The following AP1M1 variants were observed in gnomAD, a reference collection of about 807,000 sequenced individuals.
AP1M1 encodes AP-1 complex subunit mu-1.
Under a neutral mutation model 57.1 loss-of-function variants are expected in AP1M1, and 18 were observed. The observed-to-expected ratio is 0.32, with a 90% CI of 0.22 to 0.47. The LOEUF (loss-of-function observed/expected upper bound fraction) is 0.47. Among genes scored for constraint, AP1M1 ranks in the 20% least tolerant of loss-of-function variants. The pLI is 1.00. For synonymous variants in AP1M1, 241 were observed against 237.9 expected (o/e 1.01, Z -0.12); for missense variants, 362 against 593.5 (o/e 0.61, Z 4.05).
rs187415445 is a variant in AP1M1 at position 16,214,316 on chromosome 19, C to G, written c.546+5139C>G. 4.5e-3 allele frequency among the ~76,000 whole-genome samples: 682 copies of G among 150,120 alleles called. 4 individuals carry two copies. Among genetic ancestry groups the G allele is most frequent in the African/African-American group, 0.016 (643 of 40,946 alleles). ...TCGTGATCCACCTGCCTTGGCCTCC[C>G]AAAGTGCTGGGATTACAGGCGTGAG... On this transcript the variant is annotated intron_variant, in intron 5 of 11. Coordinates refer to ENST00000291439, the MANE Select transcript of AP1M1 (RefSeq NM_032493.4).
intron 5 of AP1M1, among the ~76,000 whole-genome samples, chr19:16,220,030 T>C (rs1329073758): frequency 6.6e-6 from 1 of 152,212 alleles, no homozygotes; most frequent in Non-Finnish European, 1.5e-5. Flanking sequence ...TTTTTTGTAA[T>C]GTTTTTGTCT....
Position 16,203,683 on chromosome 19 carries a change from C to A in AP1M1, c.199+68C>A. ...GTGTTGGTGTGTGTGCATATCCACA[C>A]GCCTGCAAGCAGGGCTGGTTTGTGC... On this transcript the variant is annotated intron_variant, in intron 2 of 11. Coordinates refer to ENST00000291439, the MANE Select transcript of AP1M1 (RefSeq NM_032493.4). This position sits in a 1 kb window ranked among gnomAD's most constrained non-coding sequence, Gnocchi z 4.6. The A allele has an allele frequency of 1.3e-6, 2 of 1,502,054 alleles. No homozygotes were observed. Among genetic ancestry groups the A allele is most frequent in the Non-Finnish European group, 1.8e-6 (2 of 1,108,830 alleles). The allele number at this position is 1,502,054 out of a possible 1,614,324, so 93.0% of individuals were successfully genotyped here.
At chr19:16,209,404 C>T (rs1003643296) in intron 5 of AP1M1, 11 of 451,290 alleles carry the variant, frequency 2.4e-5, no homozygotes, top group Admixed American at 1.5e-4. Flanking sequence ...GATCTCGGCT[C>T]ACTGCAACCT....
At chr19:16,216,080 A>G (rs35390846) in intron 5 of AP1M1, among the ~76,000 whole-genome samples, 116,311 of 152,038 alleles carry the variant, frequency 0.77, 45,685 homozygotes, top group East Asian at 0.96. Flanking sequence ...GTTTTATTAT[A>G]ATTCTTAGCC....
chr19:16,233,676 A>G, intron 10 of AP1M1, 58 bp downstream of exon 10: 3 of 1,550,842 alleles, frequency 1.9e-6, no homozygotes, highest in Non-Finnish European at 2.6e-6. Flanking sequence ...CAGGTGACAG[A>G]TATCAATGCA....
At chr19:16,208,251 T>C (rs905421474) in intron 4 of AP1M1, 102 bp downstream of exon 4, 42 of 1,318,658 alleles carry the variant, frequency 3.2e-5, no homozygotes, top group Non-Finnish European at 4.2e-5. Context: ...GTTCATGTTG[T>C]CCCCCACCTG....
intron 5 of AP1M1, among the ~76,000 whole-genome samples, chr19:16,220,384 T>C (rs1244628741): frequency 6.6e-6 from 1 of 150,828 alleles, no homozygotes; most frequent in African/African-American, 2.4e-5. Flanking sequence ...GCTTTTGGGG[T>C]TTTTTTGTTT....
At chr19:16,214,072 A>T (rs1421618503) in intron 5 of AP1M1, among the ~76,000 whole-genome samples, 1 of 126,256 alleles carries the variant, frequency 7.9e-6, no homozygotes. Flanking sequence ...TTTTTGAGAC[A>T]AAGTCTCACT....
chr19:16,229,181 GC>G (rs2091585205), intron 9 of AP1M1, among the ~76,000 whole-genome samples: 1 of 152,162 alleles, frequency 6.6e-6, no homozygotes, highest in African/African-American at 2.4e-5. Context: ...TCAGGGCAGT[GC>G]CCTCTCCCTC....
In AP1M1 at chr19:16,243,203, C is replaced by T. The variant is rs2091651328; in HGVS notation, c.*8768C>T. On this transcript the variant is annotated 3_prime_UTR_variant, in exon 12 of 12. Coordinates refer to ENST00000291439, the MANE Select transcript of AP1M1 (RefSeq NM_032493.4). Reference sequence around the variant, plus strand: ...TCAAGAGAAATTAGTTAGAATTCAACAAGAAATAAATTACTTTAAAATATT... The same window carrying T: ...TCAAGAGAAATTAGTTAGAATTCAATAAGAAATAAATTACTTTAAAATATT... 6.6e-6 allele frequency: 1 copy of T among 152,214 alleles called. No individual in the cohort carries two copies. Among genetic ancestry groups the T allele is most frequent in the South Asian group, 2.1e-4 (1 of 4,824 alleles). The allele number at this position is 152,214 out of a possible 1,614,324, so 9.4% of individuals were successfully genotyped here.
In AP1M1 at chr19:16,208,153, A is replaced by C; in HGVS notation, c.398+4A>C. ...CCGACAGCAAGATCCTGCAGGAGTG[A>C]GTGGGCAGGGGTGGGGCCTGGGGCC... On this transcript the variant is annotated splice_donor_region_variant and intron_variant, in intron 4 of 11. Transcript: ENST00000291439. The C allele has an allele frequency of 6.2e-7, 1 of 1,609,900 alleles. No individual in the cohort carries two copies. The highest frequency in any genetic ancestry group is 8.5e-7 in the Non-Finnish European group (1 of 1,177,968).
chr19:16,222,578 C>T (rs1245660685), intron 5 of AP1M1, among the ~76,000 whole-genome samples: 6 of 140,898 alleles, frequency 4.3e-5, no homozygotes, highest in Non-Finnish European at 9.4e-5. Context: ...TAAAAATTTT[C>T]CATTTGATTC....
intron 5 of AP1M1, among the ~76,000 whole-genome samples, chr19:16,224,798 C>T (rs1038271967): frequency 3.3e-5 from 5 of 152,276 alleles, no homozygotes; most frequent in East Asian, 1.9e-4. Flanking sequence ...GGAGGGCCCT[C>T]CGAGAAAGAG....
intron 1 of AP1M1, 39 bp downstream of exon 1, chr19:16,198,107 C>T: frequency 2.5e-6 from 4 of 1,590,322 alleles, no homozygotes; most frequent in East Asian, 2.4e-5. Flanking sequence ...GCCAGGCAAC[C>T]GGCAGGGGCC....
At chr19:16,210,031 G>T (rs763158383) in intron 5 of AP1M1, among the ~76,000 whole-genome samples, 10 of 152,032 alleles carry the variant, frequency 6.6e-5, no homozygotes, top group Non-Finnish European at 1.2e-4. Flanking sequence ...TCCATCACTG[G>T]AGTCTTCATC....
At chr19:16,208,223 C>T (rs1252740260) in intron 4 of AP1M1, 74 bp downstream of exon 4, 1 of 1,481,648 alleles carries the variant, frequency 6.7e-7, no homozygotes, top group Non-Finnish European at 9.0e-7. Context: ...GGTGTGGAAA[C>T]AGAAGGGGCA....
chr19:16,226,470 A>G lies in AP1M1; in HGVS notation c.596A>G (p.Lys199Arg), dbSNP rs377436209. The change falls in exon 6 of 12, where the codon AAG becomes AGG. Residue 199 changes from lysine to arginine, a missense_variant. Lys to Arg is a conservative substitution (Grantham distance 26). This residue lies in a region of AP1M1 where 337 missense variants were observed against 511.1 expected (regional missense o/e 0.66). Coordinates refer to ENST00000291439, the MANE Select transcript of AP1M1 (RefSeq NM_032493.4). ...CGCAGCGAGATCGTGGGCTCCATCA[A>G]GATGCGAGTCTTCCTCTCGGGCATG... ...VLRSEIVGSIKMRVFLSGMPE... is the reference protein window; with the variant it reads ...VLRSEIVGSIRMRVFLSGMPE... 1.6e-4 allele frequency: 256 copies of G among 1,580,078 alleles called. No individual in the cohort carries two copies. The highest frequency in any genetic ancestry group is 2.1e-4 in the Non-Finnish European group (245 of 1,163,762).
In AP1M1 at chr19:16,198,132, C is replaced by G; in HGVS notation, c.42+64C>G. On this transcript the variant is annotated intron_variant, in intron 1 of 11. Coordinates refer to ENST00000291439, the MANE Select transcript of AP1M1 (RefSeq NM_032493.4). The stretch of plus-strand genomic sequence containing the variant: ...CGGCAGGGGCCTCCGCCCGCGGGGA[C>G]CCACCCTGTTGCTAGGTAACCGGCT... 1.9e-6 allele frequency: 3 copies of G among 1,577,386 alleles called. No individual in the cohort carries two copies. The South Asian group carries it at 3.4e-5, about 18-fold the overall frequency.
At position 16,203,590 on chromosome 19, in the gene AP1M1, G is replaced by T. The variant is rs374334160; in HGVS notation, c.174G>T (p.Met58Ile). 1 of 1,613,314 alleles carries T rather than the reference G, an allele frequency of 6.2e-7. No individual in the cohort carries two copies. The highest frequency in any genetic ancestry group is 1.7e-5 in the Admixed American group (1 of 59,894). Residue 58 changes from methionine to isoleucine, a missense_variant, in exon 2 of 12, where the codon ATG becomes ATT. Met to Ile is a conservative substitution (Grantham distance 10, BLOSUM62 1). Around this residue, in one of 2 missense-constraint regions of AP1M1, gnomAD observed 337 missense variants for 511.1 expected, o/e 0.66. Coordinates refer to ENST00000291439, the MANE Select transcript of AP1M1 (RefSeq NM_032493.4). This position sits in a 1 kb window ranked among gnomAD's most constrained non-coding sequence, Gnocchi z 4.6. ...TGGCCCACGGGGGGGTCCGTTTCAT[G>T]TGGATCAAACACAACAACCTGTATC... ...PILAHGGVRFMWIKHNNLYLV... is the reference protein window; with the variant it reads ...PILAHGGVRFIWIKHNNLYLV...
Sources: allele counts gnomAD v4.1 joint callset (sites outside exome capture counted in the v4.1 genomes callset), GRCh38; gene constraint gnomAD v4.1.1; regional missense constraint gnomAD v4.1.1; non-coding constraint Gnocchi (gnomAD v3.1); transcripts MANE v1.5; gene names NCBI Gene and HGNC (gene_info 2026-07-23, HGNC 2026-07-21).